ABLIM3: variants seen among roughly 807,000 people sequenced by gnomAD.
ABLIM3 encodes the protein actin binding LIM protein family member 3.
A neutral mutation model predicts 109.5 loss-of-function variants in ABLIM3; 61 were observed. That is an observed-to-expected ratio of 0.56 (90% CI 0.45 to 0.69). The LOEUF (loss-of-function observed/expected upper bound fraction) is 0.69. Ranked by LOEUF, ABLIM3 falls within the 30% of genes least tolerant of loss-of-function variation. The pLI is 0.00. For missense variants in ABLIM3, 796 were observed against 889.5 expected, an observed-to-expected ratio of 0.89 and a Z score of 1.34; for synonymous variants, 300 against 324.8, an observed-to-expected ratio of 0.92 and a Z score of 0.82.
chr5:149,195,547 T>C (rs1757881634), intron 3 of ABLIM3, among the ~76,000 whole-genome samples: 1 of 152,160 alleles, frequency 6.6e-6, no homozygotes, highest in Non-Finnish European at 1.5e-5. Context: ...TGTTCCAAGT[T>C]TTCCTATGGT....
chr5:149,176,012 G>C (rs1324781532), intron 2 of ABLIM3, among the ~76,000 whole-genome samples: 1 of 152,196 alleles, frequency 6.6e-6, no homozygotes, highest in African/African-American at 2.4e-5. Context: ...CATCCTCCTG[G>C]GAAGACAGGC....
intron 2 of ABLIM3, among the ~76,000 whole-genome samples, chr5:149,182,075 C>A (rs1756518015): frequency 1.3e-5 from 2 of 152,196 alleles, no homozygotes; most frequent in Admixed American, 1.3e-4. Flanking sequence ...TGCAATCCTC[C>A]ATGTGCCTAG....
At chr5:149,257,066 A>G (rs747297750) in intron 23 of ABLIM3, among the ~76,000 whole-genome samples, 4 of 152,220 alleles carry the variant, frequency 2.6e-5, no homozygotes, top group Non-Finnish European at 4.4e-5. Flanking sequence ...GCACTTTGAG[A>G]GGCTGAGGAG....
intron 2 of ABLIM3, among the ~76,000 whole-genome samples, chr5:149,170,228 T>TTC (rs10644957): frequency 0.13 from 16,772 of 124,510 alleles, 1,051 homozygotes; most frequent in Middle Eastern, 0.18. Flanking sequence ...AGGGTTCTGT[T>TTC]TCTCTCTCTC....
chr5:149,253,877 C>T (rs926171950), intron 23 of ABLIM3, among the ~76,000 whole-genome samples: 1 of 152,148 alleles, frequency 6.6e-6, no homozygotes, highest in Non-Finnish European at 1.5e-5. Context: ...ATACCTGAGA[C>T]TGGGTAATTT....
rs75069324 is a variant in ABLIM3 at position 149,204,534 on chromosome 5, A to C, written c.449-2474A>C. Among the ~76,000 whole-genome samples the C allele has an allele frequency of 0.011, 1,613 of 152,350 alleles. 63 individuals carry two copies. In the East Asian group the frequency reaches 0.12, roughly 12 times the overall value. ...AGATGTCCCAGAATTCTCACGGGGA[A>C]TCAGCAGGCTTCCCTACAACAGGAC... On this transcript the variant is annotated intron_variant, in intron 5 of 23. Transcript: ENST00000309868.
At chr5:149,226,478 G>A (rs965976411) in intron 8 of ABLIM3, among the ~76,000 whole-genome samples, 4 of 152,084 alleles carry the variant, frequency 2.6e-5, no homozygotes, top group South Asian at 2.1e-4. Context: ...GCGAGACTCC[G>A]TCTCAAAACA....
chr5:149,210,189 C>T (rs1005380059), intron 6 of ABLIM3, among the ~76,000 whole-genome samples: 1 of 152,276 alleles, frequency 6.6e-6, no homozygotes, highest in African/African-American at 2.4e-5. Flanking sequence ...TGTCCTGAGC[C>T]CTAGGGTACA....
chr5:149,175,159 C>G (rs914029382), intron 2 of ABLIM3, among the ~76,000 whole-genome samples: 4 of 152,182 alleles, frequency 2.6e-5, no homozygotes, highest in Admixed American at 1.3e-4. Context: ...ATCAAATCTT[C>G]TTTATTCCTC....
chr5:149,175,964 G>A (rs1318057678), intron 2 of ABLIM3, among the ~76,000 whole-genome samples: 1 of 152,214 alleles, frequency 6.6e-6, no homozygotes, highest in Non-Finnish European at 1.5e-5. Context: ...GCAGAGAGAA[G>A]CTGCGGAGGA....
intron 3 of ABLIM3, among the ~76,000 whole-genome samples, chr5:149,183,846 G>T (rs1449511370): frequency 6.6e-6 from 1 of 152,094 alleles, no homozygotes; most frequent in Non-Finnish European, 1.5e-5. Context: ...TAATCTGCAA[G>T]TTTAACTTAC....
At chr5:149,248,859 G>GACACACACACACACAC (rs55707887) in intron 18 of ABLIM3, among the ~76,000 whole-genome samples, 49 of 144,692 alleles carry the variant, frequency 3.4e-4, no homozygotes, top group African/African-American at 1.2e-3. Flanking sequence ...CCTATTCCTG[G>GACACACACACACACAC]ACACACACAC....
At position 149,259,126 on chromosome 5, in the gene ABLIM3, G is replaced by T; in HGVS notation, c.*722G>T. On this transcript the variant is annotated 3_prime_UTR_variant, in exon 24 of 24. Coordinates refer to ENST00000309868, the MANE Select transcript of ABLIM3 (RefSeq NM_014945.5). Reference sequence around the variant, plus strand: ...TCCACCACTTCCAACTGGCCCCTTTGCCTGACCTGGACTTGGAGAACCAGA... The same window carrying T: ...TCCACCACTTCCAACTGGCCCCTTTTCCTGACCTGGACTTGGAGAACCAGA... 9.8e-7 allele frequency: 1 copy of T among 1,015,522 alleles called. No individual in the cohort carries two copies. Among genetic ancestry groups the T allele is most frequent in the Non-Finnish European group, 1.2e-6 (1 of 848,656 alleles). 62.9% of individuals were successfully genotyped at this position (1,015,522 alleles called of 1,614,324 possible).
rs1757467576 is a variant in ABLIM3 at position 149,191,460 on chromosome 5, C to CA, written c.152-6754dup. 2.6e-5 allele frequency among the ~76,000 whole-genome samples: 4 copies of CA among 152,094 alleles called. No homozygotes were observed. The South Asian group carries it at 8.3e-4, about 32-fold the overall frequency. On this transcript the variant is annotated intron_variant, in intron 3 of 23. Coordinates refer to ENST00000309868, the MANE Select transcript of ABLIM3 (RefSeq NM_014945.5). Reference sequence around the variant, plus strand: ...AGTTAAAACTCTTCTACGAAAGAAACAAAAATCAGCATTGGAATCAAGTTC... The same window carrying CA: ...AGTTAAAACTCTTCTACGAAAGAAACAAAAAATCAGCATTGGAATCAAGTTC...
At chr5:149,176,868 T>A (rs992595503) in intron 2 of ABLIM3, 3 of 152,222 alleles carry the variant, frequency 2.0e-5, no homozygotes, top group Non-Finnish European at 4.4e-5. Flanking sequence ...CTTAGGATAA[T>A]GTAGCCTCTT....
chr5:149,245,103 C>A lies in ABLIM3; in HGVS notation c.1486+88C>A, dbSNP rs1753220770. On this transcript the variant is annotated intron_variant, in intron 16 of 23. Coordinates refer to ENST00000309868, the MANE Select transcript of ABLIM3 (RefSeq NM_014945.5). ...CAGAACAGTTGCCCACTCCTTTATA[C>A]AATCATTCTGAATAAGAGTGCTTAG... is the stretch of plus-strand genomic sequence containing the variant. 3.9e-6 allele frequency: 6 copies of A among 1,532,912 alleles called. No individual in the cohort carries two copies. The South Asian group carries it at 6.9e-5, about 18-fold the overall frequency. The allele number at this position is 1,532,912 out of a possible 1,614,324, so 95.0% of individuals were successfully genotyped here.
In ABLIM3 at chr5:149,259,121, C is replaced by A; in HGVS notation, c.*717C>A. The stretch of plus-strand genomic sequence containing the variant: ...TTCCCTCCACCACTTCCAACTGGCC[C>A]CTTTGCCTGACCTGGACTTGGAGAA... On this transcript the variant is annotated 3_prime_UTR_variant, in exon 24 of 24. Coordinates refer to ENST00000309868, the MANE Select transcript of ABLIM3 (RefSeq NM_014945.5). 9.8e-7 allele frequency: 1 copy of A among 1,017,106 alleles called. No homozygotes were observed. The allele number at this position is 1,017,106 out of a possible 1,614,324, so 63.0% of individuals were successfully genotyped here. A position where few individuals can be genotyped will look rare whatever the true frequency, so the allele number is the denominator to read the frequency against.
At chr5:149,193,352 G>A (rs10463416) in intron 3 of ABLIM3, among the ~76,000 whole-genome samples, 64,896 of 151,522 alleles carry the variant, frequency 0.43, 14,646 homozygotes, top group East Asian at 0.68. Flanking sequence ...CAATCAAGAC[G>A]CCATTTACCT....
intron 2 of ABLIM3, among the ~76,000 whole-genome samples, chr5:149,181,029 A>G (rs567676415): frequency 5.9e-5 from 9 of 152,332 alleles, no homozygotes; most frequent in African/African-American, 1.9e-4. Context: ...AGTTTGTGCA[A>G]TGATCCTGGA....
Sources: allele counts gnomAD v4.1 joint callset (sites outside exome capture counted in the v4.1 genomes callset), GRCh38; gene constraint gnomAD v4.1.1; transcripts MANE v1.5; gene names NCBI Gene and HGNC (gene_info 2026-07-23, HGNC 2026-07-21).